Variants in CFAP74 observed in about 807,000 individuals in gnomAD.
The protein encoded by CFAP74 is cilia- and flagella-associated protein 74.
Under a neutral mutation model 188.9 loss-of-function variants are expected in CFAP74, and 124 were observed. That is an observed-to-expected ratio of 0.66 (90% CI 0.57 to 0.76). The LOEUF is 0.76. Among genes scored for constraint, CFAP74 ranks in the 30% least tolerant of loss-of-function variants. CFAP74 has a pLI of 0.00. For synonymous variants in CFAP74, 956 were observed against 916.7 expected (o/e 1.04, Z -0.77); for missense variants, 2,198 against 2,165.2 (o/e 1.02, Z -0.30).
chr1:1,953,408 G>C (rs2102058354), intron 18 of CFAP74: 1 of 151,542 alleles, frequency 6.6e-6, no homozygotes, highest in East Asian at 1.9e-4. Context: ...CAATTCTCTT[G>C]CCTCAGCCAC....
chr1:1,985,394 C>A lies in CFAP74; in HGVS notation c.492G>T (p.Lys164Asn). The change falls in exon 6 of 39, where the codon AAG becomes AAT. Residue 164 changes from lysine (K) to asparagine (N), a missense_variant. By Grantham distance (94) the Lys-to-Asn change is moderately conservative. Coordinates refer to ENST00000682832, the MANE Select transcript of CFAP74 (RefSeq NM_001304360.2). ...GCTGCACACCGACTCACTCGCTCTCCTTCAGCACGGCCTCAGTCCTCGACT... is the reference window on the plus strand; with the variant it reads ...GCTGCACACCGACTCACTCGCTCTCATTCAGCACGGCCTCAGTCCTCGACT... ...DLQSRTEAVL[K>N]ESENTMWHIE... The A allele has an allele frequency of 6.2e-7, 1 of 1,613,936 alleles. No homozygotes were observed. The highest frequency in any genetic ancestry group is 2.2e-5 in the East Asian group (1 of 44,892).
intron 1 of CFAP74, among the ~76,000 whole-genome samples, chr1:1,999,535 G>A (rs2102122410): frequency 6.6e-6 from 1 of 152,298 alleles, no homozygotes; most frequent in East Asian, 1.9e-4. Flanking sequence ...TTTTCATTCA[G>A]GCCAGGTGCA....
At chr1:1,991,998 C>A (rs1288511624) in intron 1 of CFAP74, among the ~76,000 whole-genome samples, 3 of 151,432 alleles carry the variant, frequency 2.0e-5, no homozygotes, top group Non-Finnish European at 4.4e-5. Flanking sequence ...CGAGATCGCG[C>A]CACTGCACTC....
Position 1,973,755 on chromosome 1 carries a change from G to A in CFAP74, c.674+270C>T, listed in dbSNP as rs139997205. Reference sequence around the variant, plus strand: ...AGGGGAGGGGCAGTCTTGCTGGAGCGTGGCTTTAGTAGCCAGCTTTAGCGG... The same window carrying A: ...AGGGGAGGGGCAGTCTTGCTGGAGCATGGCTTTAGTAGCCAGCTTTAGCGG... On this transcript the variant is annotated intron_variant, in intron 7 of 38. Transcript: ENST00000682832. This position sits in a 1 kb window ranked among gnomAD's most constrained non-coding sequence, Gnocchi z 6.2. Among the ~76,000 whole-genome samples, 139 of 152,186 alleles carry A rather than the reference G, an allele frequency of 9.1e-4. 3 individuals are homozygous for A. In the East Asian group the frequency reaches 0.02, roughly 22 times the overall value.
chr1:1,990,504 G>A (rs1657506299), intron 2 of CFAP74, among the ~76,000 whole-genome samples: 1 of 152,114 alleles, frequency 6.6e-6, no homozygotes, highest in African/African-American at 2.4e-5. Context: ...CCCAGATTGC[G>A]ATGGCCTGCC....
At position 1,971,974 on chromosome 1, in the gene CFAP74, G is replaced by T; in HGVS notation, c.888+6C>A. 2 of 1,604,684 alleles carry T rather than the reference G, an allele frequency of 1.2e-6. No homozygotes were observed. Among genetic ancestry groups the T allele is most frequent in the Non-Finnish European group, 1.7e-6 (2 of 1,177,286 alleles). On this transcript the variant is annotated splice_donor_region_variant and intron_variant, in intron 9 of 38. Transcript: ENST00000682832. ...GGAGAGGCTGGGTGGGGCTGCGGGG[G>T]CCTACCCGGTTCGCGGAGATGCTGC... is the stretch of plus-strand genomic sequence containing the variant.
intron 2 of CFAP74, among the ~76,000 whole-genome samples, chr1:1,989,201 G>A (rs1170447089): frequency 2.0e-5 from 3 of 152,106 alleles, no homozygotes; most frequent in Non-Finnish European, 4.4e-5. Context: ...CTTTGCAGAC[G>A]GACAGCGGGG....
rs529818853 is a variant in CFAP74, at chr1:1,942,844, G to A, written c.2487-688C>T. 2.0e-3 allele frequency among the ~76,000 whole-genome samples: 304 copies of A among 152,244 alleles called. No homozygotes were observed. The highest frequency in any genetic ancestry group is 6.7e-3 in the African/African-American group (278 of 41,552). ...GCCACAGCTGCCCCGGGCAATCCAC[G>A]AGGGGGGACCCAGAGGGTGTGGCAG... On this transcript the variant is annotated intron_variant, in intron 21 of 38. Coordinates refer to ENST00000682832, the MANE Select transcript of CFAP74 (RefSeq NM_001304360.2). The surrounding 1 kb of genome is among the most constrained non-coding windows in gnomAD (Gnocchi z 4.3).
chr1:1,952,449 A>T (rs1424170713), intron 18 of CFAP74, among the ~76,000 whole-genome samples: 1 of 152,158 alleles, frequency 6.6e-6, no homozygotes, highest in Non-Finnish European at 1.5e-5. Flanking sequence ...ATCACAACAC[A>T]TTTAAATAGA....
intron 6 of CFAP74, among the ~76,000 whole-genome samples, chr1:1,976,621 C>T (rs1048599644): frequency 2.0e-5 from 3 of 152,244 alleles, no homozygotes; most frequent in South Asian, 2.1e-4. Flanking sequence ...CAGCTCACTG[C>T]AAACTCCACC....
rs760939907 is a variant in CFAP74 at position 1,963,821 on chromosome 1, T to G, written c.1622A>C (p.Asn541Thr). The G allele has an allele frequency of 1.2e-6, 2 of 1,613,668 alleles. No individual in the cohort carries two copies. Among genetic ancestry groups the G allele is most frequent in the East Asian group, 2.2e-5 (1 of 44,880 alleles). ...KVYKKKITLV[N>T]TTYTINYCKL... ...GCAGTAGTTGATCGTGTAGGTGGTG[T>G]TTACCAACGTGATCTTTTTCTTGTA... is the stretch of plus-strand genomic sequence containing the variant. The change falls in exon 14 of 39, where the codon AAC becomes ACC. Residue 541 changes from asparagine to threonine, a missense_variant. Asn to Thr is a moderately conservative substitution (Grantham distance 65, BLOSUM62 0). Transcript: ENST00000682832.
rs1283379161 is a variant in CFAP74 at position 1,977,399 on chromosome 1, C to A, written c.501-3201G>T. 3.9e-5 allele frequency among the ~76,000 whole-genome samples: 6 copies of A among 152,168 alleles called. No homozygotes were observed. In the South Asian group the frequency reaches 8.3e-4, roughly 21 times the overall value. On this transcript the variant is annotated intron_variant, in intron 6 of 38. Coordinates refer to ENST00000682832, the MANE Select transcript of CFAP74 (RefSeq NM_001304360.2). The stretch of plus-strand genomic sequence containing the variant: ...ATCCGTCCACAGGGAAGCAGCCTTC[C>A]CCTCCCTCGAAGGCAGGCTCTGCTG...
At chr1:1,949,152 C>CCCCT (rs1294102394) in intron 18 of CFAP74, among the ~76,000 whole-genome samples, 1 of 72,556 alleles carries the variant, frequency 1.4e-5, no homozygotes, top group Non-Finnish European at 2.8e-5. Context: ...TCCCTTCCTT[C>CCCCT]CCCTCCCTCC....
At chr1:1,977,378 G>T (rs758439892) in intron 6 of CFAP74, among the ~76,000 whole-genome samples, 4 of 152,118 alleles carry the variant, frequency 2.6e-5, no homozygotes, top group Non-Finnish European at 5.9e-5. Context: ...CTGCATATCC[G>T]TCCACAGGGA....
intron 6 of CFAP74, among the ~76,000 whole-genome samples, chr1:1,982,733 G>C (rs933998447): frequency 1.3e-5 from 2 of 152,224 alleles, no homozygotes; most frequent in African/African-American, 2.4e-5. Flanking sequence ...GCTCGGGGCC[G>C]CCTGCGGGTA....
rs1298263420 is a variant in CFAP74, at chr1:1,965,041, G to T, written c.1422C>A (p.Asp474Glu). The change falls in exon 13 of 39, where the codon GAC becomes GAA. Residue 474 changes from aspartate to glutamate, a missense_variant. Coordinates refer to ENST00000682832, the MANE Select transcript of CFAP74 (RefSeq NM_001304360.2). ...KPYQVPKEDV[D>E]RKPVGGTKMD... Reference sequence around the variant, plus strand: ...TCTTTGTCCCGCCCACGGGCTTTCGGTCCACGTCCTCCTTGGGCACCTGGG... The same window carrying T: ...TCTTTGTCCCGCCCACGGGCTTTCGTTCCACGTCCTCCTTGGGCACCTGGG... The T allele has an allele frequency of 1.1e-5, 17 of 1,613,154 alleles. No individual in the cohort carries two copies. Among genetic ancestry groups the T allele is most frequent in the Non-Finnish European group, 1.3e-5 (15 of 1,179,454 alleles).
chr1:1,993,900 T>A (rs548206646), intron 1 of CFAP74, among the ~76,000 whole-genome samples: 1 of 150,694 alleles, frequency 6.6e-6, no homozygotes, highest in Admixed American at 6.6e-5. Flanking sequence ...GAGAATGGCG[T>A]GAACCCGGGA....
chr1:1,936,242 AAAG>A (rs1652888718), intron 25 of CFAP74, among the ~76,000 whole-genome samples: 2 of 148,236 alleles, frequency 1.3e-5, no homozygotes, highest in Admixed American at 1.3e-4. Flanking sequence ...GAAAAAAAGA[AAAG>A]AAAAGCTCTC....
chr1:1,925,748 G>A, intron 33 of CFAP74, 35 bp downstream of exon 33: 1 of 1,592,000 alleles, frequency 6.3e-7, no homozygotes, highest in South Asian at 1.1e-5. Context: ...CTCCTGGGAG[G>A]CTGGAGCCAG....
Sources: allele counts gnomAD v4.1 joint callset (sites outside exome capture counted in the v4.1 genomes callset), GRCh38; gene constraint gnomAD v4.1.1; non-coding constraint Gnocchi (gnomAD v3.1); transcripts MANE v1.5; gene names NCBI Gene and HGNC (gene_info 2026-07-23, HGNC 2026-07-21).